Variants in PLN observed in about 807,000 individuals in gnomAD.
PLN encodes phospholamban.
A neutral mutation model predicts 3.9 loss-of-function variants in PLN; 1 was observed. The ratio of observed to expected loss-of-function variants is 0.26; its 90% CI spans 0.09 to 1.23. The LOEUF (loss-of-function observed/expected upper bound fraction) is 1.23, where lower values mean the gene tolerates loss of function less well. Among genes scored for constraint, PLN ranks in the 50% most tolerant of loss-of-function variants. The pLI is 0.48. For missense variants in PLN, 59 were observed against 62.7 expected (o/e 0.94, Z 0.20); for synonymous variants, 21 against 20.5 (o/e 1.02, Z -0.07).
chr6:118,555,758 T>C (rs1417273666), intron 1 of PLN, among the ~76,000 whole-genome samples: 1 of 152,134 alleles, frequency 6.6e-6, no homozygotes, highest in South Asian at 2.1e-4. Context: ...CATCCCGTTA[T>C]TAAGCCCAGT....
chr6:118,549,859 T>C (rs1361857563), intron 1 of PLN, among the ~76,000 whole-genome samples: 1 of 151,892 alleles, frequency 6.6e-6, no homozygotes, highest in Admixed American at 6.6e-5. Flanking sequence ...AGAAATTATA[T>C]TAAACTTACC....
At chr6:118,557,324 T>C (rs1778935734) in intron 1 of PLN, among the ~76,000 whole-genome samples, 1 of 152,296 alleles carries the variant, frequency 6.6e-6, no homozygotes, top group African/African-American at 2.4e-5. Context: ...ACCAATTACA[T>C]CTACAGAGTA....
At chr6:118,555,170 GC>G (rs1488782203) in intron 1 of PLN, among the ~76,000 whole-genome samples, 3 of 152,132 alleles carry the variant, frequency 2.0e-5, no homozygotes, top group Admixed American at 1.3e-4. Context: ...AGTGGCTCAC[GC>G]CTGCAATCCC....
rs114121060 is a variant in PLN, at chr6:118,558,772, T to A, written c.-97-53T>A. Reference sequence around the variant, plus strand: ...TAGTGTAAAATTGTATTTTTTGTTCTGAGGATAGGTTACATAGATGATTCT... The same window carrying A: ...TAGTGTAAAATTGTATTTTTTGTTCAGAGGATAGGTTACATAGATGATTCT... On this transcript the variant is annotated intron_variant, in intron 1 of 1. Transcript: ENST00000357525. 1,778 of 682,222 alleles carry A rather than the reference T, an allele frequency of 2.6e-3. 21 individuals carry two copies. In the African/African-American group the frequency reaches 0.029, roughly 11 times the overall value. 42.3% of individuals were successfully genotyped at this position (682,222 alleles called of 1,614,324 possible).
At chr6:118,558,668 G>C (rs374499546) in intron 1 of PLN, among the ~76,000 whole-genome samples, 157 bp from the exon 2 acceptor site, 1,926 of 108,354 alleles carry the variant, frequency 0.018, 17 homozygotes, top group South Asian at 0.025. Context: ...CACAGAGAGA[G>C]AGAGAGAGAG....
At chr6:118,550,999 T>A (rs1395509130) in intron 1 of PLN, among the ~76,000 whole-genome samples, 2 of 151,740 alleles carry the variant, frequency 1.3e-5, no homozygotes, top group East Asian at 1.9e-4. Context: ...TTAAAAAAAA[T>A]AACACACCCC....
rs1583051920 is a variant in PLN at position 118,560,847 on chromosome 6, T to C, written c.*1767T>C. 6.5e-6 allele frequency: 1 copy of C among 152,688 alleles called. No individual in the cohort carries two copies. The highest frequency in any genetic ancestry group is 6.6e-5 in the Admixed American group (1 of 15,262). 9.5% of individuals were successfully genotyped at this position (152,688 alleles called of 1,614,324 possible). ...CTTTGGTAATTTAAGTTGACTAAAGTTTAAAATTAAGTCTAAAATAGTTTA... is the reference window on the plus strand; with the variant it reads ...CTTTGGTAATTTAAGTTGACTAAAGCTTAAAATTAAGTCTAAAATAGTTTA... On this transcript the variant is annotated 3_prime_UTR_variant, in exon 2 of 2. Transcript: ENST00000357525.
chr6:118,549,417 T>G (rs1035708880), intron 1 of PLN, among the ~76,000 whole-genome samples: 5 of 151,854 alleles, frequency 3.3e-5, no homozygotes, highest in Non-Finnish European at 7.4e-5. Flanking sequence ...CATTCTTAGA[T>G]CTCTGTCAGG....
In PLN at chr6:118,558,514, G is replaced by A. The variant is rs1779010138; in HGVS notation, c.-97-311G>A. Among the ~76,000 whole-genome samples the A allele has an allele frequency of 2.0e-5, 3 of 151,896 alleles. No individual in the cohort carries two copies. In the South Asian group the frequency reaches 6.3e-4, roughly 32 times the overall value. ...TACTCCAATACTTGTAGTAAATTTGGGAGAAAAAGGCAAGGACTAAAGTTA... is the reference window on the plus strand; with the variant it reads ...TACTCCAATACTTGTAGTAAATTTGAGAGAAAAAGGCAAGGACTAAAGTTA... On this transcript the variant is annotated intron_variant, in intron 1 of 1. Coordinates refer to ENST00000357525, the MANE Select transcript of PLN (RefSeq NM_002667.5).
At chr6:118,555,647 C>T (rs503031) in intron 1 of PLN, among the ~76,000 whole-genome samples, 145,724 of 152,258 alleles carry the variant, frequency 0.96, 69,757 homozygotes, top group South Asian at 0.97. Flanking sequence ...GCTGCTATGT[C>T]CCTTATTTTT....
In PLN at chr6:118,558,741, A is replaced by G; in HGVS notation, c.-97-84A>G. 37 of 640,606 alleles carry G rather than the reference A, an allele frequency of 5.8e-5. No homozygotes were observed. In the South Asian group the frequency reaches 6.6e-4, roughly 11 times the overall value. 39.7% of individuals were successfully genotyped at this position (640,606 alleles called of 1,614,324 possible). ...ATAAATAACAATAGTGCTGAGGAAGATGAATTAGTGTAAAATTGTATTTTT... is the reference window on the plus strand; with the variant it reads ...ATAAATAACAATAGTGCTGAGGAAGGTGAATTAGTGTAAAATTGTATTTTT... On this transcript the variant is annotated intron_variant, in intron 1 of 1. Coordinates refer to ENST00000357525, the MANE Select transcript of PLN (RefSeq NM_002667.5).
Position 118,559,254 on chromosome 6 carries a change from T to C in PLN, c.*174T>C. The stretch of plus-strand genomic sequence containing the variant: ...ATTGTTACCATATGTATTCATCTGT[T>C]GGATCTTGTAAACATGAAAAGGGCT... On this transcript the variant is annotated 3_prime_UTR_variant, in exon 2 of 2. Coordinates refer to ENST00000357525, the MANE Select transcript of PLN (RefSeq NM_002667.5). 1 of 662,942 alleles carries C rather than the reference T, an allele frequency of 1.5e-6. No individual in the cohort carries two copies. Among genetic ancestry groups the C allele is most frequent in the South Asian group, 1.7e-5 (1 of 57,904 alleles). 41.1% of individuals were successfully genotyped at this position (662,942 alleles called of 1,614,324 possible).
Position 118,560,680 on chromosome 6 carries a change from A to G in PLN, c.*1600A>G, listed in dbSNP as rs992876885. On this transcript the variant is annotated 3_prime_UTR_variant, in exon 2 of 2. Coordinates refer to ENST00000357525, the MANE Select transcript of PLN (RefSeq NM_002667.5). Reference sequence around the variant, plus strand: ...TTTGCAGTCCACTCTACTGAGCTAAATTATAGATCCAGCTATGCTATTTAT... The same window carrying G: ...TTTGCAGTCCACTCTACTGAGCTAAGTTATAGATCCAGCTATGCTATTTAT... 2 of 166,786 alleles carry G rather than the reference A, an allele frequency of 1.2e-5. No individual in the cohort carries two copies. The highest frequency in any genetic ancestry group is 2.9e-5 in the Non-Finnish European group (2 of 68,128). 10.3% of individuals were successfully genotyped at this position (166,786 alleles called of 1,614,324 possible).
At chr6:118,549,955 A>T (rs559007479) in intron 1 of PLN, among the ~76,000 whole-genome samples, 1 of 151,884 alleles carries the variant, frequency 6.6e-6, no homozygotes, top group Non-Finnish European at 1.5e-5. Flanking sequence ...AGTACCATAC[A>T]TTGTGTCCCA....
Position 118,559,494 on chromosome 6 carries a change from CTAAG to C in PLN, c.*417_*420del, listed in dbSNP as rs928128896. The C allele has an allele frequency of 4.5e-6, 1 of 220,506 alleles. No individual in the cohort carries two copies. The allele number at this position is 220,506 out of a possible 1,614,324, so 13.7% of individuals were successfully genotyped here. ...TTACAATGTAAAAGCTTCTTTAATA[CTAAG>C]TATTTTTCAGGTCTTCACCAAGTAT... On this transcript the variant is annotated 3_prime_UTR_variant, in exon 2 of 2. Transcript: ENST00000357525.
At chr6:118,555,868 T>C (rs1778836362) in intron 1 of PLN, among the ~76,000 whole-genome samples, 1 of 152,214 alleles carries the variant, frequency 6.6e-6, no homozygotes, top group South Asian at 2.1e-4. Flanking sequence ...GTTCTTATCA[T>C]CTTGCTCCCA....
chr6:118,554,726 G>A (rs1368276221), intron 1 of PLN, among the ~76,000 whole-genome samples: 3 of 152,154 alleles, frequency 2.0e-5, no homozygotes, highest in East Asian at 3.9e-4. Context: ...AATAACTAAT[G>A]AAAGGTTTCA....
intron 1 of PLN, among the ~76,000 whole-genome samples, chr6:118,553,215 T>TAAAA (rs59502810): frequency 7.2e-6 from 1 of 138,942 alleles, no homozygotes; most frequent in Non-Finnish European, 1.6e-5. Flanking sequence ...GTTAAGAAAT[T>TAAAA]AAAAAAAAAA....
intron 1 of PLN, 135 bp downstream of exon 1, chr6:118,548,527 T>C (rs1482920914): frequency 1.3e-5 from 2 of 152,124 alleles, no homozygotes; most frequent in African/African-American, 4.8e-5. Flanking sequence ...TAAAATGACA[T>C]GACAAAGTGC....
Sources: allele counts gnomAD v4.1 joint callset (sites outside exome capture counted in the v4.1 genomes callset), GRCh38; gene constraint gnomAD v4.1.1; transcripts MANE v1.5; gene names NCBI Gene and HGNC (gene_info 2026-07-23, HGNC 2026-07-21).